DAPK2: variants seen among roughly 807,000 people sequenced by gnomAD.
DAPK2 encodes the protein death-associated protein kinase 2.
Under a neutral mutation model 44.1 loss-of-function variants are expected in DAPK2, and 35 were observed. The ratio of observed to expected loss-of-function variants is 0.79; its 90% confidence interval spans 0.61 to 1.05. The LOEUF (loss-of-function observed/expected upper bound fraction) is 1.05, where lower values mean the gene tolerates loss of function less well. Ranked by LOEUF, DAPK2 falls within the 50% of genes least tolerant of loss-of-function variation. The probability of loss-of-function intolerance (pLI) is 0.00; values close to 1 mark genes in which losing one functional copy is unlikely to be tolerated. For synonymous variants in DAPK2, 174 were observed against 182.6 expected, an observed-to-expected ratio of 0.95 and a Z score of 0.38; for missense variants, 453 against 483.2, an observed-to-expected ratio of 0.94 and a Z score of 0.59.
chr15:63,928,017 G>A (rs1311337779), intron 6 of DAPK2, among the ~76,000 whole-genome samples: 1 of 152,076 alleles, frequency 6.6e-6, no homozygotes, highest in African/African-American at 2.4e-5. Flanking sequence ...CAAAATGCTG[G>A]GATTACATGG....
At chr15:63,988,569 A>G (rs1595860003) in intron 1 of DAPK2, among the ~76,000 whole-genome samples, 1 of 151,030 alleles carries the variant, frequency 6.6e-6, no homozygotes, top group African/African-American at 2.4e-5. Context: ...CGGTGGCGCA[A>G]TCTCGGCTCA....
chr15:63,975,668 AG>A (rs1412178510), intron 2 of DAPK2, among the ~76,000 whole-genome samples: 1 of 151,408 alleles, frequency 6.6e-6, no homozygotes, highest in African/African-American at 2.4e-5. Context: ...ATGCGATCTC[AG>A]CTCACTGCAA....
At chr15:64,039,226 C>T (rs1427114782) in intron 1 of DAPK2, among the ~76,000 whole-genome samples, 4 of 152,238 alleles carry the variant, frequency 2.6e-5, no homozygotes, top group Non-Finnish European at 5.9e-5. Context: ...TCTGGGTCTA[C>T]ACACTCTAAA....
intron 3 of DAPK2, among the ~76,000 whole-genome samples, chr15:63,959,545 T>C (rs149706486): frequency 0.028 from 4,284 of 152,328 alleles, 92 homozygotes; most frequent in South Asian, 0.092. Context: ...ACCTAGTTTA[T>C]TGAGAGTTTT....
intron 3 of DAPK2, among the ~76,000 whole-genome samples, chr15:63,958,286 T>C (rs541043807): frequency 6.6e-6 from 1 of 152,320 alleles, no homozygotes; most frequent in Admixed American, 6.5e-5. Context: ...GTAAAAATTT[T>C]CTCCCATTCT....
In DAPK2 at chr15:63,923,219, T is replaced by G; in HGVS notation, c.858+1597A>C. On this transcript the variant is annotated intron_variant, in intron 8 of 10. Transcript: ENST00000261891. The surrounding 1 kb of genome is among the most constrained non-coding windows in gnomAD (Gnocchi z 4.2). Reference sequence around the variant, plus strand: ...CACCACACAGGCAAAACGCTCGAAGTTGACATAGGAGTTGTTGGGAGGCAT... The same window carrying G: ...CACCACACAGGCAAAACGCTCGAAGGTGACATAGGAGTTGTTGGGAGGCAT... 6.5e-7 allele frequency: 1 copy of G among 1,535,868 alleles called. No individual in the cohort carries two copies. Among genetic ancestry groups the G allele is most frequent in the South Asian group, 1.2e-5 (1 of 84,038 alleles).
exon 11 of DAPK2, chr15:63,907,155 C>T (rs1039264556): frequency 2.0e-5 from 3 of 152,178 alleles, no homozygotes; most frequent in African/African-American, 7.2e-5. Flanking sequence ...TATTCCCCCT[C>T]CCACTCCTGG....
intron 3 of DAPK2, among the ~76,000 whole-genome samples, chr15:63,940,921 G>A (rs2077289323): frequency 6.6e-6 from 1 of 152,030 alleles, no homozygotes; most frequent in Admixed American, 6.6e-5. Context: ...CTAGGATTGG[G>A]GGAATGGAGA....
intron 3 of DAPK2, among the ~76,000 whole-genome samples, chr15:63,970,215 TC>T (rs1255209864): frequency 6.6e-6 from 1 of 152,176 alleles, no homozygotes; most frequent in Non-Finnish European, 1.5e-5. Context: ...AAGTGCAAGC[TC>T]CTTGGCTTAG....
intron 10 of DAPK2, 59 bp downstream of exon 11, chr15:63,911,849 T>A (rs545673674): frequency 1.3e-6 from 2 of 1,557,534 alleles, no homozygotes; most frequent in Admixed American, 1.8e-5. Context: ...AACTCACCCA[T>A]CCCTGAGCTC....
At chr15:63,995,581 C>T (rs1053636187) in intron 1 of DAPK2, among the ~76,000 whole-genome samples, 10 of 152,244 alleles carry the variant, frequency 6.6e-5, no homozygotes, top group Non-Finnish European at 1.0e-4. Flanking sequence ...GCCTCAGTGA[C>T]TCTTGCCATT....
intron 6 of DAPK2, among the ~76,000 whole-genome samples, chr15:63,926,536 C>G (rs749820500): frequency 6.6e-6 from 1 of 152,070 alleles, no homozygotes; most frequent in African/African-American, 2.4e-5. Flanking sequence ...GACGGAAAGG[C>G]CTTCTGGGTT....
At chr15:64,003,010 GTGTGTC>G (rs1484783327) in intron 1 of DAPK2, among the ~76,000 whole-genome samples, 33 of 140,568 alleles carry the variant, frequency 2.3e-4, no homozygotes, top group African/African-American at 7.8e-4. Context: ...GTGTGTGTGT[GTGTGTC>G]GTGGGACCAG....
Position 63,922,277 on chromosome 15 carries a change from T to C in DAPK2, c.858+2539A>G, listed in dbSNP as rs145117848. ...ACGAAAGGCAATATTATTTTCTCTA[T>C]GCATTGTAAATCCCTGCTTCTGTAG... is the stretch of plus-strand genomic sequence containing the variant. On this transcript the variant is annotated intron_variant, in intron 8 of 10. Coordinates refer to ENST00000261891, the Ensembl canonical transcript of DAPK2. 1,678 of 991,426 alleles carry C rather than the reference T, an allele frequency of 1.7e-3. 4 individuals carry two copies. Among genetic ancestry groups the C allele is most frequent in the South Asian group, 7.2e-3 (157 of 21,854 alleles). The allele number at this position is 991,426 out of a possible 1,614,324, so 61.4% of individuals were successfully genotyped here.
At position 63,971,577 on chromosome 15, in the gene DAPK2, G is replaced by C. The variant is rs751637753; in HGVS notation, c.315-16C>G. Reference sequence around the variant, plus strand: ...TCCAGACACTCTGTAAAACACCAGCGGGGGGAGGGGAGGCCCAGGCCCAGT... The same window carrying C: ...TCCAGACACTCTGTAAAACACCAGCCGGGGGAGGGGAGGCCCAGGCCCAGT... On this transcript the variant is annotated splice_polypyrimidine_tract_variant and intron_variant, in intron 2 of 10. Coordinates refer to ENST00000261891, the Ensembl canonical transcript of DAPK2. 20 of 1,612,710 alleles carry C rather than the reference G, an allele frequency of 1.2e-5. No homozygotes were observed. Among genetic ancestry groups the C allele is most frequent in the Admixed American group, 1.0e-4 (6 of 59,880 alleles).
chr15:64,024,528 T>G (rs2079781245), intron 1 of DAPK2, among the ~76,000 whole-genome samples: 1 of 152,190 alleles, frequency 6.6e-6, no homozygotes. Context: ...ATAGCAACCA[T>G]CTTACGATGA....
chr15:63,942,634 G>A (rs553694198), intron 3 of DAPK2, among the ~76,000 whole-genome samples: 3 of 151,712 alleles, frequency 2.0e-5, no homozygotes, highest in East Asian at 1.9e-4. Context: ...TCCCCCGCCC[G>A]AGTCTCATCT....
At chr15:63,919,426 C>G (rs1253216142) in intron 8 of DAPK2, 1 of 152,132 alleles carries the variant, frequency 6.6e-6, no homozygotes, top group Non-Finnish European at 1.5e-5. Context: ...CCTCCCTTTT[C>G]CCAATTTTCC....
intron 1 of DAPK2, among the ~76,000 whole-genome samples, chr15:64,031,990 G>T (rs1449050344): frequency 6.6e-6 from 1 of 152,182 alleles, no homozygotes; most frequent in Non-Finnish European, 1.5e-5. Context: ...TTCTGCCTTA[G>T]GTTTAAATTT....
Sources: gnomAD v4.1 joint callset for allele counts (sites outside exome capture counted in the v4.1 genomes callset) on GRCh38, gnomAD v4.1.1 for gene constraint, Gnocchi (gnomAD v3.1) non-coding constraint, MANE v1.5 for transcripts, NCBI Gene and HGNC (gene_info 2026-07-23, HGNC 2026-07-21) for gene names.